Variants in BLTP3B observed in about 807,000 individuals in gnomAD.
BLTP3B encodes the protein UHRF1 (ICBP90) binding protein 1-like.
chr12:100,137,011 G>A, the BLTP3B span, among the ~76,000 whole-genome samples: 129 of 151,968 alleles, frequency 8.5e-4, no homozygotes, highest in Middle Eastern at 0.01. Context: ...GGGTTTCACC[G>A]TGTTGGTCAG....
the BLTP3B span, chr12:100,102,887 A>T: frequency 1.0e-5 from 13 of 1,300,924 alleles, no homozygotes; most frequent in Admixed American, 2.1e-4. Context: ...ATAAACAATT[A>T]GATTATTTAT....
At chr12:100,042,431 A>T in the BLTP3B span, among the ~76,000 whole-genome samples, 1 of 152,234 alleles carries the variant, frequency 6.6e-6, no homozygotes, top group Non-Finnish European at 1.5e-5. Context: ...TCAAAGACAG[A>T]CATACAGACA....
the BLTP3B span, chr12:100,069,991 A>G: frequency 1.6e-6 from 2 of 1,218,548 alleles, no homozygotes; most frequent in Non-Finnish European, 2.0e-6. Context: ...ATAACAGACA[A>G]TGGCCGTGGT....
chr12:100,116,359 T>A, the BLTP3B span, among the ~76,000 whole-genome samples: 1 of 144,774 alleles, frequency 6.9e-6, no homozygotes. Flanking sequence ...AAGGCTGAGG[T>A]GAGAGGACTA....
At chr12:100,044,629 C>T in the BLTP3B span, among the ~76,000 whole-genome samples, 2 of 152,080 alleles carry the variant, frequency 1.3e-5, no homozygotes, top group South Asian at 4.1e-4. Flanking sequence ...AAGTAACTAA[C>T]GTACAGAAAA....
the BLTP3B span, among the ~76,000 whole-genome samples, chr12:100,062,977 T>G: frequency 1.4e-5 from 2 of 141,010 alleles, no homozygotes; most frequent in African/African-American, 5.3e-5. Flanking sequence ...GAAAAGAATT[T>G]AAAAAAAAAA....
At chr12:100,132,132 T>A in the BLTP3B span, among the ~76,000 whole-genome samples, 1 of 152,168 alleles carries the variant, frequency 6.6e-6, no homozygotes, top group Non-Finnish European at 1.5e-5. Context: ...AAGCATACAA[T>A]ATGCAGAATT....
chr12:100,108,917 G>C, the BLTP3B span, among the ~76,000 whole-genome samples: 1 of 152,152 alleles, frequency 6.6e-6, no homozygotes, highest in East Asian at 1.9e-4. Flanking sequence ...GCTGGAAAGG[G>C]TAGTGGTGGG....
the BLTP3B span, among the ~76,000 whole-genome samples, chr12:100,091,815 T>C: frequency 6.6e-6 from 1 of 151,552 alleles, no homozygotes; most frequent in Non-Finnish European, 1.5e-5. Context: ...AAATCTTTTT[T>C]TTTTTTTTTA....
At chr12:100,077,979 A>G in the BLTP3B span, among the ~76,000 whole-genome samples, 1 of 152,298 alleles carries the variant, frequency 6.6e-6, no homozygotes, top group Admixed American at 6.5e-5. Flanking sequence ...CTACTGTGTA[A>G]TAAGGAAATT....
the BLTP3B span, chr12:100,098,489 A>C: frequency 6.2e-7 from 1 of 1,613,642 alleles, no homozygotes; most frequent in East Asian, 2.2e-5. Flanking sequence ...ATGACTATAG[A>C]ATTTACAGAA....
the BLTP3B span, among the ~76,000 whole-genome samples, chr12:100,106,942 A>G: frequency 6.6e-6 from 1 of 152,152 alleles, no homozygotes; most frequent in South Asian, 2.1e-4. Flanking sequence ...ACTCTTAAAC[A>G]AAGCCTCATC....
the BLTP3B span, among the ~76,000 whole-genome samples, chr12:100,110,332 C>T: frequency 4.6e-4 from 70 of 152,166 alleles, no homozygotes; most frequent in Non-Finnish European, 8.5e-4. Context: ...AATCATTTAA[C>T]ACATGTATTT....
At chr12:100,081,405 T>C in the BLTP3B span, among the ~76,000 whole-genome samples, 2 of 152,208 alleles carry the variant, frequency 1.3e-5, no homozygotes, top group African/African-American at 4.8e-5. Flanking sequence ...CTGAAGTCTT[T>C]ATTTTTGTTC....
the BLTP3B span, among the ~76,000 whole-genome samples, chr12:100,136,854 C>A: frequency 1.3e-5 from 2 of 151,686 alleles, no homozygotes. Context: ...TCTTGTTGCC[C>A]AGGCTGGAGT....
the BLTP3B span, among the ~76,000 whole-genome samples, chr12:100,136,643 T>C: frequency 6.6e-6 from 1 of 152,148 alleles, no homozygotes; most frequent in Non-Finnish European, 1.5e-5. Context: ...TTTGAAAAAA[T>C]AATGTCTGGC....
chr12:100,118,001 G>C, the BLTP3B span, among the ~76,000 whole-genome samples: 1 of 124,712 alleles, frequency 8.0e-6, no homozygotes, highest in Non-Finnish European at 1.6e-5. Flanking sequence ...ATCAATCCTG[G>C]ACTTATGTGT....
chr12:100,142,789 C>T, the BLTP3B span: 7 of 1,158,918 alleles, frequency 6.0e-6, no homozygotes, highest in African/African-American at 1.6e-5. Flanking sequence ...AAGGCCACAG[C>T]CGCCGCCGAG....
At chr12:100,084,835 G>T in the BLTP3B span, among the ~76,000 whole-genome samples, 2 of 151,884 alleles carry the variant, frequency 1.3e-5, no homozygotes, top group African/African-American at 4.8e-5. Flanking sequence ...TGAAACAGAG[G>T]GAAAGAATGT....
Sources: gnomAD v4.1 joint callset for allele counts (sites outside exome capture counted in the v4.1 genomes callset) on GRCh38, gnomAD v4.1.1 for gene constraint, MANE v1.5 for transcripts, NCBI Gene and HGNC (gene_info 2026-07-23, HGNC 2026-07-21) for gene names.